Variants in FUT8 observed in about 807,000 individuals in gnomAD.
FUT8 encodes alpha-(1,6)-fucosyltransferase.
Under a neutral mutation model 71.3 loss-of-function variants are expected in FUT8, and 29 were observed. That is an observed-to-expected ratio of 0.41 (90% CI 0.30 to 0.55). The LOEUF is 0.55. Ranked by LOEUF, FUT8 falls within the 20% of genes least tolerant of loss-of-function variation. The pLI is 0.34. For missense variants in FUT8, 544 were observed against 702.1 expected (o/e 0.77, Z 2.55); for synonymous variants, 254 against 239.3 (o/e 1.06, Z -0.57).
At chr14:65,608,970 A>G (rs1044152939) in intron 3 of FUT8, among the ~76,000 whole-genome samples, 7 of 151,510 alleles carry the variant, frequency 4.6e-5, no homozygotes, top group African/African-American at 1.7e-4. Context: ...TGTAGTCTGG[A>G]TACAAGTCCT....
intron 2 of FUT8, among the ~76,000 whole-genome samples, chr14:65,545,902 T>C (rs1183866469): frequency 1.3e-5 from 2 of 151,822 alleles, no homozygotes; most frequent in South Asian, 2.1e-4. Flanking sequence ...ATATAATAAA[T>C]GCTGTTGAAA....
At chr14:65,698,713 G>T (rs1285619997) in intron 7 of FUT8, among the ~76,000 whole-genome samples, 1 of 152,150 alleles carries the variant, frequency 6.6e-6, no homozygotes, top group African/African-American at 2.4e-5. Context: ...TATTGTCTAG[G>T]TAAGCGATCA....
intron 7 of FUT8, among the ~76,000 whole-genome samples, chr14:65,716,946 C>T (rs1206362462): frequency 1.4e-5 from 2 of 139,702 alleles, no homozygotes; most frequent in Non-Finnish European, 3.0e-5. Flanking sequence ...AGAGGCACTC[C>T]CCACTTCCCA....
At chr14:65,712,340 G>A (rs1594926041) in intron 7 of FUT8, among the ~76,000 whole-genome samples, 1 of 152,184 alleles carries the variant, frequency 6.6e-6, no homozygotes, top group Admixed American at 6.5e-5. Context: ...ATCATAATCT[G>A]TAAAAATTAG....
chr14:65,396,090 A>C, the FUT8 span, among the ~76,000 whole-genome samples: 1 of 152,216 alleles, frequency 6.6e-6, no homozygotes, highest in Non-Finnish European at 1.5e-5. This position sits in a 1 kb window ranked among gnomAD's most constrained non-coding sequence, Gnocchi z 5.5. Flanking sequence ...AGACCACCTC[A>C]GCCTGGATTT....
intron 5 of FUT8, among the ~76,000 whole-genome samples, chr14:65,618,010 CATATATATAT>C (rs149450437): frequency 0.02 from 1,719 of 86,982 alleles, 27 homozygotes; most frequent in Middle Eastern, 0.069. Flanking sequence ...AAAATTAATT[CATATATATAT>C]ATATATATAT....
the FUT8 span, among the ~76,000 whole-genome samples, chr14:65,368,197 G>T: frequency 6.6e-6 from 1 of 151,608 alleles, no homozygotes; most frequent in Admixed American, 6.6e-5. Context: ...GGGACTACAG[G>T]CATGTGCCAC....
chr14:65,655,861 G>GTA, intron 6 of FUT8, among the ~76,000 whole-genome samples: 1 of 152,180 alleles, frequency 6.6e-6, no homozygotes, highest in African/African-American at 2.4e-5. Flanking sequence ...GACAAAAACC[G>GTA]TATGATCATT....
At chr14:65,586,800 C>G (rs1887410242) in intron 3 of FUT8, among the ~76,000 whole-genome samples, 1 of 152,142 alleles carries the variant, frequency 6.6e-6, no homozygotes, top group African/African-American at 2.4e-5. Context: ...TTTAAAAGGA[C>G]AAATAATTTC....
chr14:65,708,697 CT>C (rs1200035777), intron 7 of FUT8, among the ~76,000 whole-genome samples: 1 of 151,710 alleles, frequency 6.6e-6, no homozygotes, highest in East Asian at 1.9e-4. Flanking sequence ...TAACGTGCAA[CT>C]TTACTGAATT....
chr14:65,533,480 G>A (rs1021372664), intron 2 of FUT8, among the ~76,000 whole-genome samples: 3 of 152,090 alleles, frequency 2.0e-5, no homozygotes, highest in Non-Finnish European at 2.9e-5. Context: ...TATAGGAATG[G>A]TAGTGATTTT....
At chr14:65,589,318 C>T (rs1887554504) in intron 3 of FUT8, among the ~76,000 whole-genome samples, 1 of 151,974 alleles carries the variant, frequency 6.6e-6, no homozygotes, top group South Asian at 2.1e-4. Context: ...GATCATGGGC[C>T]TATGTAAACT....
chr14:65,712,037 TA>T (rs1894831472), intron 7 of FUT8, among the ~76,000 whole-genome samples: 1 of 152,248 alleles, frequency 6.6e-6, no homozygotes. Flanking sequence ...ATTATTTCTT[TA>T]ATGGTACAGT....
the FUT8 span, among the ~76,000 whole-genome samples, chr14:65,396,692 T>G: frequency 6.6e-6 from 1 of 152,214 alleles, no homozygotes; most frequent in African/African-American, 2.4e-5. The surrounding 1 kb of genome is among the most constrained non-coding windows in gnomAD (Gnocchi z 5.5). Flanking sequence ...GCTGGGAGGA[T>G]GCAGCCTAGG....
In FUT8 at chr14:65,621,342, C is replaced by T. The variant is rs1372492964; in HGVS notation, c.482+4969C>T. ...TCGGCTCACTGCAAGCTCTGCCTCCCGGATTCAAGCGATTCTCCTGCCTCA... is the reference window on the plus strand; with the variant it reads ...TCGGCTCACTGCAAGCTCTGCCTCCTGGATTCAAGCGATTCTCCTGCCTCA... On this transcript the variant is annotated intron_variant, in intron 5 of 10. Coordinates refer to ENST00000673929, the MANE Select transcript of FUT8 (RefSeq NM_001371533.1). Among the ~76,000 whole-genome samples the T allele has an allele frequency of 2.6e-5, 4 of 151,602 alleles. No homozygotes were observed. In the East Asian group the frequency reaches 5.8e-4, roughly 22 times the overall value.
At chr14:65,702,987 C>T (rs1348347324) in intron 7 of FUT8, among the ~76,000 whole-genome samples, 1 of 152,134 alleles carries the variant, frequency 6.6e-6, no homozygotes, top group African/African-American at 2.4e-5. Flanking sequence ...CCTCATGATC[C>T]ATCTGCCTTG....
intron 7 of FUT8, among the ~76,000 whole-genome samples, chr14:65,713,489 T>G (rs1894904336): frequency 6.6e-6 from 1 of 152,226 alleles, no homozygotes; most frequent in African/African-American, 2.4e-5. Context: ...CTGTTCTCTG[T>G]AGTGGTTGTA....
At chr14:65,394,281 A>C in the FUT8 span, among the ~76,000 whole-genome samples, 1 of 152,180 alleles carries the variant, frequency 6.6e-6, no homozygotes, top group Non-Finnish European at 1.5e-5. Flanking sequence ...TTATAAAACC[A>C]TCAGATCTCA....
At chr14:65,708,545 A>G (rs969347113) in intron 7 of FUT8, among the ~76,000 whole-genome samples, 1 of 152,120 alleles carries the variant, frequency 6.6e-6, no homozygotes, top group Non-Finnish European at 1.5e-5. Context: ...TTTTCAGTGT[A>G]TGGATTTTCA....
Sources: allele counts gnomAD v4.1 joint callset (sites outside exome capture counted in the v4.1 genomes callset), GRCh38; gene constraint gnomAD v4.1.1; non-coding constraint Gnocchi (gnomAD v3.1); transcripts MANE v1.5; gene names NCBI Gene and HGNC (gene_info 2026-07-23, HGNC 2026-07-21).